CREB5: variants seen among roughly 807,000 people sequenced by gnomAD.
The protein encoded by CREB5 is cyclic AMP-responsive element-binding protein 5.
A neutral mutation model predicts 57.1 loss-of-function variants in CREB5; 19 were observed. The ratio of observed to expected loss-of-function variants is 0.33; its 90% CI spans 0.23 to 0.49. The LOEUF (loss-of-function observed/expected upper bound fraction) is 0.49. CREB5 is among the 20% of genes least tolerant of loss of function. CREB5 has a pLI of 0.99. For missense variants in CREB5, 579 were observed against 671.6 expected (o/e 0.86, Z 1.52); for synonymous variants, 238 against 238.3 (o/e 1.00, Z 0.01).
In CREB5 at chr7:28,637,238, T is replaced by G. The variant is rs568356138; in HGVS notation, c.464+66701T>G. ...GAATTATGTTTCATAATTCATATTATAATTCAAATTATGTCTAGCTTCAGT... is the reference window on the plus strand; with the variant it reads ...GAATTATGTTTCATAATTCATATTAGAATTCAAATTATGTCTAGCTTCAGT... On this transcript the variant is annotated intron_variant, in intron 5 of 10. Coordinates refer to ENST00000357727, the MANE Select transcript of CREB5 (RefSeq NM_182898.4). Among the ~76,000 whole-genome samples the G allele has an allele frequency of 5.9e-5, 9 of 152,298 alleles. 1 individual carries two copies. The highest frequency in any genetic ancestry group is 2.2e-4 in the African/African-American group (9 of 41,588).
intron 1 of CREB5, among the ~76,000 whole-genome samples, chr7:28,330,008 G>A (rs1486135323): frequency 6.6e-6 from 1 of 152,234 alleles, no homozygotes; most frequent in Non-Finnish European, 1.5e-5. Context: ...TCTGGCAGCA[G>A]CTAAGCAGCT....
intron 5 of CREB5, among the ~76,000 whole-genome samples, chr7:28,712,314 C>G (rs948287920): frequency 1.3e-5 from 2 of 151,996 alleles, no homozygotes; most frequent in African/African-American, 2.4e-5. Flanking sequence ...TCAAGACCAG[C>G]CTGGCCAACG....
chr7:28,414,254 C>G (rs1412564508), intron 1 of CREB5, among the ~76,000 whole-genome samples: 1 of 149,700 alleles, frequency 6.7e-6, no homozygotes, highest in Admixed American at 6.7e-5. Context: ...TCTTTTGCTT[C>G]TTACAAATTG....
chr7:28,589,224 TTACTC>T (rs1173513491), intron 5 of CREB5, among the ~76,000 whole-genome samples: 1 of 152,182 alleles, frequency 6.6e-6, no homozygotes, highest in Non-Finnish European at 1.5e-5. Context: ...ATCAGTAACT[TTACTC>T]CTAACCACTT....
chr7:28,394,229 C>A (rs944574754), intron 1 of CREB5, among the ~76,000 whole-genome samples: 1 of 150,772 alleles, frequency 6.6e-6, no homozygotes, highest in Non-Finnish European at 1.5e-5. Flanking sequence ...ATAAAATATT[C>A]CATTAAATAC....
chr7:28,671,528 T>C (rs998938769), intron 5 of CREB5, among the ~76,000 whole-genome samples: 1 of 152,224 alleles, frequency 6.6e-6, no homozygotes, highest in Non-Finnish European at 1.5e-5. Context: ...CCTTTTTCCC[T>C]GTCTCAGGTA....
At chr7:28,650,470 G>A (rs1290229014) in intron 5 of CREB5, among the ~76,000 whole-genome samples, 1 of 152,074 alleles carries the variant, frequency 6.6e-6, no homozygotes, top group Non-Finnish European at 1.5e-5. Flanking sequence ...TGCCTGAACT[G>A]ATTACTTCTG....
intron 4 of CREB5, among the ~76,000 whole-genome samples, chr7:28,545,026 G>T (rs1337355836): frequency 1.3e-5 from 2 of 152,170 alleles, no homozygotes; most frequent in African/African-American, 4.8e-5. Context: ...GTAGGAAGAG[G>T]CAGATAAGGA....
chr7:28,643,926 A>G (rs1489025050), intron 5 of CREB5, among the ~76,000 whole-genome samples: 1 of 152,076 alleles, frequency 6.6e-6, no homozygotes, highest in Non-Finnish European at 1.5e-5. Flanking sequence ...ACAAGAGATA[A>G]TAATCTGCTG....
intron 7 of CREB5, among the ~76,000 whole-genome samples, chr7:28,728,651 C>T (rs114895694): frequency 1.3e-4 from 20 of 152,260 alleles, no homozygotes; most frequent in African/African-American, 4.6e-4. Flanking sequence ...GTGTCTCTCT[C>T]GATTGATTGA....
intron 1 of CREB5, among the ~76,000 whole-genome samples, chr7:28,447,561 C>T (rs537956459): frequency 2.0e-5 from 3 of 152,232 alleles, no homozygotes; most frequent in East Asian, 3.9e-4. Flanking sequence ...AAGCAGTACC[C>T]GAGAATGTTC....
intron 1 of CREB5, among the ~76,000 whole-genome samples, chr7:28,322,035 A>G (rs1562656026): frequency 6.6e-6 from 1 of 152,218 alleles, no homozygotes; most frequent in Non-Finnish European, 1.5e-5. Flanking sequence ...CATTTTATCC[A>G]TTTATTAAAC....
chr7:28,785,130 A>G lies in CREB5; in HGVS notation c.703-19069A>G, dbSNP rs550604795. Among the ~76,000 whole-genome samples the G allele has an allele frequency of 3.9e-5, 6 of 152,290 alleles. No homozygotes were observed. In the South Asian group the frequency reaches 1.2e-3, roughly 32 times the overall value. On this transcript the variant is annotated intron_variant, in intron 7 of 10. Coordinates refer to ENST00000357727, the MANE Select transcript of CREB5 (RefSeq NM_182898.4). ...CAGTTTCTCCAAGTTGGAAAAATAAACAGTCACCATCAGGCTAAATTCATG... is the reference window on the plus strand; with the variant it reads ...CAGTTTCTCCAAGTTGGAAAAATAAGCAGTCACCATCAGGCTAAATTCATG...
chr7:28,377,943 A>AG (rs1286958969), intron 1 of CREB5, among the ~76,000 whole-genome samples: 1 of 147,954 alleles, frequency 6.8e-6, no homozygotes, highest in South Asian at 2.1e-4. Context: ...AAAAAAAAAA[A>AG]AACAAAAAAG....
chr7:28,782,833 CT>C (rs1430481649), intron 7 of CREB5, among the ~76,000 whole-genome samples: 1 of 152,184 alleles, frequency 6.6e-6, no homozygotes. Flanking sequence ...AGCACAGGCT[CT>C]TTGATAAGTT....
intron 7 of CREB5, among the ~76,000 whole-genome samples, chr7:28,767,844 G>A (rs1038173327): frequency 3.9e-5 from 6 of 152,082 alleles, no homozygotes; most frequent in South Asian, 2.1e-4. Flanking sequence ...TCTAAACATC[G>A]GTCCTTCCCA....
intron 5 of CREB5, among the ~76,000 whole-genome samples, chr7:28,602,700 A>T (rs1459923300): frequency 6.6e-6 from 1 of 152,198 alleles, no homozygotes; most frequent in Non-Finnish European, 1.5e-5. Context: ...GTTATCAGGA[A>T]TTAGGTTTGG....
intron 4 of CREB5, among the ~76,000 whole-genome samples, chr7:28,560,919 T>TGTGTGTGCGTGCGCGTGC (rs1554344482): frequency 2.3e-5 from 1 of 42,990 alleles, no homozygotes; most frequent in Admixed American, 2.1e-4. Flanking sequence ...CGTGTGCGTG[T>TGTGTGTGCGTGCGCGTGC]GTGCGCGTGC....
intron 1 of CREB5, among the ~76,000 whole-genome samples, chr7:28,413,994 T>G (rs1787920243): frequency 6.6e-6 from 1 of 152,136 alleles, no homozygotes; most frequent in South Asian, 2.1e-4. Context: ...TCATTGGAGT[T>G]TACTTCTTAC....
Sources: allele counts gnomAD v4.1 joint callset (sites outside exome capture counted in the v4.1 genomes callset), GRCh38; gene constraint gnomAD v4.1.1; transcripts MANE v1.5; gene names NCBI Gene and HGNC (gene_info 2026-07-23, HGNC 2026-07-21).